Variants in GLIPR1L2 observed in about 807,000 individuals in gnomAD.
The protein encoded by GLIPR1L2 is GLIPR1 like 2, also known as GLIPR1-like protein 2.
A neutral mutation model predicts 28.4 loss-of-function variants in GLIPR1L2; 21 were observed. That is an observed-to-expected ratio of 0.74 (90% confidence interval 0.52 to 1.06). The LOEUF (loss-of-function observed/expected upper bound fraction) is 1.06. GLIPR1L2 is among the 50% of genes least tolerant of loss of function. GLIPR1L2 has a pLI of 0.00. For missense variants in GLIPR1L2, 476 were observed against 416.9 expected (o/e 1.14, Z -1.23); for synonymous variants, 145 against 139.3 (o/e 1.04, Z -0.29).
Position 75,391,127 on chromosome 12 carries a change from C to A in GLIPR1L2, c.11C>A (p.Ala4Glu), listed in dbSNP as rs748704522. The A allele has an allele frequency of 6.2e-7, 1 of 1,613,194 alleles. No individual in the cohort carries two copies. Among genetic ancestry groups the A allele is most frequent in the Non-Finnish European group, 8.5e-7 (1 of 1,179,608 alleles). Residue 4 changes from alanine to glutamate, a missense_variant, in exon 1 of 6, where the codon GCA (alanine) becomes GAA (glutamate). Physicochemically the swap from Ala to Glu is moderately radical, Grantham distance 107. Coordinates refer to ENST00000550916, the MANE Select transcript of GLIPR1L2 (RefSeq NM_001270396.2). ...AGCGGCCGGTGGACCATGGAGGCCGCAAGGCCCTTCGCCCGGGAGTGGAGG... is the reference window on the plus strand; with the variant it reads ...AGCGGCCGGTGGACCATGGAGGCCGAAAGGCCCTTCGCCCGGGAGTGGAGG... MEAARPFAREWRAQ... is the reference protein window; with the variant it reads MEAERPFAREWRAQ...
At chr12:75,426,094 C>T (rs2046031413) in intron 4 of GLIPR1L2, among the ~76,000 whole-genome samples, 1 of 151,966 alleles carries the variant, frequency 6.6e-6, no homozygotes, top group African/African-American at 2.4e-5. Flanking sequence ...AGTAATAAAA[C>T]AAATTTTACA....
intron 4 of GLIPR1L2, among the ~76,000 whole-genome samples, chr12:75,425,232 G>A (rs1377940969): frequency 6.6e-6 from 1 of 152,172 alleles, no homozygotes; most frequent in Non-Finnish European, 1.5e-5. Context: ...GAGAGTCTGA[G>A]CCAGTGAGGA....
intron 1 of GLIPR1L2, among the ~76,000 whole-genome samples, chr12:75,394,200 C>T (rs908221715): frequency 2.0e-5 from 3 of 151,892 alleles, no homozygotes; most frequent in Admixed American, 6.5e-5. Flanking sequence ...TATTTTCTCC[C>T]GTTTTGTAAG....
chr12:75,402,654 C>A (rs1054410476), intron 1 of GLIPR1L2, among the ~76,000 whole-genome samples: 2 of 152,154 alleles, frequency 1.3e-5, no homozygotes, highest in Non-Finnish European at 2.9e-5. Context: ...CTTGAATAGA[C>A]CTTGACCTTG....
chr12:75,431,727 T>G lies in GLIPR1L2; in HGVS notation c.*566T>G, dbSNP rs553220232. On this transcript the variant is annotated 3_prime_UTR_variant, in exon 6 of 6. Coordinates refer to ENST00000550916, the MANE Select transcript of GLIPR1L2 (RefSeq NM_001270396.2). ...CTGTACATCCTGCTAGGATGCAAAC[T>G]TATTATTTATAATTAATGTTCAATA... 6.6e-6 allele frequency: 1 copy of G among 152,216 alleles called. No homozygotes were observed. The highest frequency in any genetic ancestry group is 1.5e-5 in the Non-Finnish European group (1 of 67,954). 9.4% of individuals were successfully genotyped at this position (152,216 alleles called of 1,614,324 possible).
At chr12:75,426,329 A>T (rs1359073152) in intron 4 of GLIPR1L2, among the ~76,000 whole-genome samples, 1 of 152,248 alleles carries the variant, frequency 6.6e-6, no homozygotes, top group Non-Finnish European at 1.5e-5. Flanking sequence ...TTTAGCAATA[A>T]AGTATTTAAC....
intron 1 of GLIPR1L2, among the ~76,000 whole-genome samples, chr12:75,410,054 A>G (rs1002664263): frequency 2.6e-5 from 4 of 151,660 alleles, no homozygotes; most frequent in Admixed American, 2.0e-4. Flanking sequence ...TCATTACTTA[A>G]TAAATACCTC....
Position 75,429,858 on chromosome 12 carries a change from T to C in GLIPR1L2, c.671-857T>C, listed in dbSNP as rs536570943. On this transcript the variant is annotated intron_variant, in intron 4 of 5. Transcript: ENST00000550916. ...CTTGTTTCCCCTTCACCTTCCACCA[T>C]GATTTTAAATTTCCTGAGGCCTGCC... 5.3e-5 allele frequency among the ~76,000 whole-genome samples: 8 copies of C among 152,226 alleles called. No homozygotes were observed. In the East Asian group the frequency reaches 9.6e-4, roughly 18 times the overall value.
At chr12:75,407,565 T>C (rs1460762576) in intron 1 of GLIPR1L2, among the ~76,000 whole-genome samples, 1 of 152,086 alleles carries the variant, frequency 6.6e-6, no homozygotes, top group Non-Finnish European at 1.5e-5. Flanking sequence ...TCAGGGAAAA[T>C]TGTGAAATAC....
rs183407898 is a variant in GLIPR1L2, at chr12:75,398,607, G to A, written c.234+7257G>A. On this transcript the variant is annotated intron_variant, in intron 1 of 5. Coordinates refer to ENST00000550916, the MANE Select transcript of GLIPR1L2 (RefSeq NM_001270396.2). ...GCTGAGTGATTCCTAATTCTAACCTGACATGGTAGTACTAGGAGAAGGCTC... is the reference window on the plus strand; with the variant it reads ...GCTGAGTGATTCCTAATTCTAACCTAACATGGTAGTACTAGGAGAAGGCTC... Among the ~76,000 whole-genome samples the A allele has an allele frequency of 1.4e-4, 21 of 152,124 alleles. No individual in the cohort carries two copies. The East Asian group carries it at 3.9e-3, about 28-fold the overall frequency.
chr12:75,427,801 T>G (rs1183582640), intron 4 of GLIPR1L2, among the ~76,000 whole-genome samples: 1 of 152,100 alleles, frequency 6.6e-6, no homozygotes, highest in Non-Finnish European at 1.5e-5. Flanking sequence ...GTTTGGCAGT[T>G]GCCCCCTGCC....
At chr12:75,409,731 TATATATAAGATGTATATCTAATCC>T (rs2045844213) in intron 1 of GLIPR1L2, among the ~76,000 whole-genome samples, 7 of 146,216 alleles carry the variant, frequency 4.8e-5, no homozygotes, top group Admixed American at 2.1e-4. Flanking sequence ...TCTAATCCGA[TATATATAAGATGTATATCTAATCC>T]GATATATATA....
At chr12:75,413,225 T>G (rs1036843843) in intron 2 of GLIPR1L2, among the ~76,000 whole-genome samples, 5 of 151,578 alleles carry the variant, frequency 3.3e-5, no homozygotes, top group Admixed American at 6.6e-5. Flanking sequence ...GGGATAGCAT[T>G]AGGAGATATA....
chr12:75,399,961 A>C (rs2139923505), intron 1 of GLIPR1L2, among the ~76,000 whole-genome samples: 1 of 152,314 alleles, frequency 6.6e-6, no homozygotes, highest in South Asian at 2.1e-4. Flanking sequence ...TGGTATCCCT[A>C]AACGGTTATT....
chr12:75,414,008 G>T (rs1167902135), intron 3 of GLIPR1L2, among the ~76,000 whole-genome samples: 2 of 151,978 alleles, frequency 1.3e-5, no homozygotes, highest in African/African-American at 4.8e-5. Context: ...TATAGTAAAA[G>T]TAGAAAGAAA....
intron 3 of GLIPR1L2, among the ~76,000 whole-genome samples, chr12:75,419,527 G>A (rs562201299): frequency 2.0e-5 from 3 of 152,240 alleles, no homozygotes; most frequent in Admixed American, 1.3e-4. Context: ...AATGAAAAAC[G>A]ATTGACTAAA....
At chr12:75,428,987 G>A (rs1389904753) in intron 4 of GLIPR1L2, among the ~76,000 whole-genome samples, 2 of 152,222 alleles carry the variant, frequency 1.3e-5, no homozygotes, top group Non-Finnish European at 2.9e-5. Flanking sequence ...CAGGGGTGGA[G>A]CCCTCATGGA....
Position 75,391,253 on chromosome 12 carries a change from C to T in GLIPR1L2, c.137C>T (p.Pro46Leu). 3.7e-6 allele frequency: 6 copies of T among 1,614,200 alleles called. No homozygotes were observed. Among genetic ancestry groups the T allele is most frequent in the Non-Finnish European group, 4.2e-6 (5 of 1,180,014 alleles). Residue 46 changes from proline to leucine, a missense_variant, in exon 1 of 6, where the codon CCA (proline) becomes CTA (leucine). Transcript: ENST00000550916. Reference sequence around the variant, plus strand: ...TCTAGTTTGAACGCCAGATTTTTGCCAGACGAGGAGGACGTAGACTTTATC... The same window carrying T: ...TCTAGTTTGAACGCCAGATTTTTGCTAGACGAGGAGGACGTAGACTTTATC... The part of the protein sequence containing the change: ...LGSSLNARFL[P>L]DEEDVDFINE...
At chr12:75,429,660 A>G (rs2046070145) in intron 4 of GLIPR1L2, among the ~76,000 whole-genome samples, 1 of 152,128 alleles carries the variant, frequency 6.6e-6, no homozygotes. Context: ...CTCATCTCAA[A>G]TGGTAATCTC....
Sources: allele counts gnomAD v4.1 joint callset (sites outside exome capture counted in the v4.1 genomes callset), GRCh38; gene constraint gnomAD v4.1.1; transcripts MANE v1.5; gene names NCBI Gene and HGNC (gene_info 2026-07-23, HGNC 2026-07-21).